PCNX2: variants seen among roughly 807,000 people sequenced by gnomAD.
PCNX2 encodes pecanex 2, also known as pecanex-like protein 2.
A neutral mutation model predicts 223.8 loss-of-function variants in PCNX2; 168 were observed. The ratio of observed to expected loss-of-function variants is 0.75; its 90% CI spans 0.66 to 0.85. The LOEUF (loss-of-function observed/expected upper bound fraction) is 0.85, where lower values mean the gene tolerates loss of function less well. PCNX2 is among the 40% of genes least tolerant of loss of function. PCNX2 has a pLI of 0.00. For missense variants in PCNX2, 2,507 were observed against 2,675.5 expected (o/e 0.94, Z 1.39); for synonymous variants, 1,006 against 1,052.6 (o/e 0.96, Z 0.86).
chr1:233,183,227 ATG>A (rs1382238591), intron 15 of PCNX2, among the ~76,000 whole-genome samples: 1 of 152,034 alleles, frequency 6.6e-6, no homozygotes, highest in Non-Finnish European at 1.5e-5. Flanking sequence ...AGCATCTCCT[ATG>A]TGTGCCCATC....
intron 25 of PCNX2, among the ~76,000 whole-genome samples, chr1:233,042,873 T>C (rs1393170365): frequency 1.3e-5 from 2 of 152,186 alleles, no homozygotes; most frequent in Non-Finnish European, 2.9e-5. Context: ...AAATAAACAC[T>C]ATGATACAAA....
At chr1:233,209,465 G>A (rs1255586244) in intron 12 of PCNX2, among the ~76,000 whole-genome samples, 1 of 151,948 alleles carries the variant, frequency 6.6e-6, no homozygotes, top group African/African-American at 2.4e-5. Context: ...TAAGATTCAG[G>A]GGGAAAAAAA....
At chr1:233,213,278 T>C (rs990645881) in intron 12 of PCNX2, among the ~76,000 whole-genome samples, 2 of 152,142 alleles carry the variant, frequency 1.3e-5, no homozygotes, top group African/African-American at 4.8e-5. Context: ...TGAGAAATGG[T>C]CACAGCCAAA....
intron 17 of PCNX2, among the ~76,000 whole-genome samples, chr1:233,175,133 G>A (rs1217488183): frequency 6.6e-6 from 1 of 151,824 alleles, no homozygotes; most frequent in African/African-American, 2.4e-5. Flanking sequence ...AAGAGCTGGA[G>A]ACACAGAGAA....
At chr1:233,198,528 C>T (rs940854558) in intron 15 of PCNX2, among the ~76,000 whole-genome samples, 4 of 152,202 alleles carry the variant, frequency 2.6e-5, no homozygotes, top group Admixed American at 6.5e-5. Flanking sequence ...TAGATTCTAA[C>T]ATTTTGTGGC....
At chr1:233,106,172 C>T (rs1222656090) in intron 21 of PCNX2, among the ~76,000 whole-genome samples, 6 of 152,132 alleles carry the variant, frequency 3.9e-5, no homozygotes, top group Non-Finnish European at 8.8e-5. Context: ...AGTTTATGCA[C>T]ACACTCTGTC....
rs1553299501 is a variant in PCNX2 at position 233,141,771 on chromosome 1, A to ATG, written c.3518-1917_3518-1916insCA. 4.4e-4 allele frequency among the ~76,000 whole-genome samples: 49 copies of ATG among 110,734 alleles called. 1 individual carries two copies. The highest frequency in any genetic ancestry group is 1.4e-3 in the African/African-American group (30 of 21,122). The allele number at this position is 110,734 out of a possible 152,430, so 72.6% of individuals were successfully genotyped here. ...TGGGTATATATGTGTGTGTATATGTATATGTGTGTGTGTGTGTGTGTGTGT... is the reference window on the plus strand; with the variant it reads ...TGGGTATATATGTGTGTGTATATGTATGTATGTGTGTGTGTGTGTGTGTGTGT... On this transcript the variant is annotated intron_variant, in intron 19 of 33. Coordinates refer to ENST00000258229, the MANE Select transcript of PCNX2 (RefSeq NM_014801.4).
chr1:233,028,103 C>G (rs375348580), intron 25 of PCNX2, among the ~76,000 whole-genome samples: 2 of 152,272 alleles, frequency 1.3e-5, no homozygotes, highest in African/African-American at 4.8e-5. Context: ...AGAATGAACA[C>G]TTATTATTTC....
intron 22 of PCNX2, among the ~76,000 whole-genome samples, chr1:233,093,252 T>C (rs1277066741): frequency 6.6e-6 from 1 of 152,254 alleles, no homozygotes; most frequent in Non-Finnish European, 1.5e-5. Flanking sequence ...GCATGGTCTC[T>C]ACACATATTA....
At chr1:233,279,304 G>A (rs530066649) in intron 1 of PCNX2, among the ~76,000 whole-genome samples, 8 of 151,858 alleles carry the variant, frequency 5.3e-5, no homozygotes, top group South Asian at 4.2e-4. Flanking sequence ...CTGCAGCCTC[G>A]ACCTCCCGGG....
At position 233,158,115 on chromosome 1, in the gene PCNX2, A is replaced by G. The variant is rs578032157; in HGVS notation, c.3517+2168T>C. On this transcript the variant is annotated intron_variant, in intron 19 of 33. Transcript: ENST00000258229. ...AGCCATGTAGGCTTGAAATAGCTAA[A>G]TGATTTTAATTTAAATGGGGCTGTC... 2.0e-4 allele frequency among the ~76,000 whole-genome samples: 30 copies of G among 152,308 alleles called. No individual in the cohort carries two copies. In the South Asian group the frequency reaches 6.0e-3, roughly 31 times the overall value.
At chr1:233,211,891 G>C in intron 12 of PCNX2, 1 of 844,742 alleles carries the variant, frequency 1.2e-6, no homozygotes, top group Non-Finnish European at 1.4e-6. Flanking sequence ...AGGACTCTGG[G>C]CAGAGAAAAG....
intron 21 of PCNX2, among the ~76,000 whole-genome samples, chr1:233,103,229 T>C (rs1220781220): frequency 1.3e-5 from 2 of 152,286 alleles, no homozygotes; most frequent in East Asian, 1.9e-4. Flanking sequence ...AATCACATCA[T>C]GGAAAATTGG....
intron 32 of PCNX2, among the ~76,000 whole-genome samples, chr1:232,986,989 C>T (rs1470855684): frequency 6.6e-6 from 1 of 152,196 alleles, no homozygotes; most frequent in Non-Finnish European, 1.5e-5. Context: ...ATCCGATCAG[C>T]AGTGATAAAG....
intron 17 of PCNX2, among the ~76,000 whole-genome samples, chr1:233,171,352 CT>C (rs1411235047): frequency 6.6e-6 from 1 of 151,440 alleles, no homozygotes; most frequent in African/African-American, 2.4e-5. Flanking sequence ...AGGTCACTTT[CT>C]ACTGAAAAAT....
chr1:233,179,038 T>A (rs1374808140), intron 16 of PCNX2, 28 bp downstream of exon 16: 1 of 1,591,744 alleles, frequency 6.3e-7, no homozygotes, highest in Admixed American at 1.7e-5. Context: ...AGCTCAGTGA[T>A]GAGAGAGCAC....
intron 8 of PCNX2, among the ~76,000 whole-genome samples, chr1:233,246,810 T>G (rs919248104): frequency 6.6e-6 from 1 of 152,300 alleles, no homozygotes; most frequent in Non-Finnish European, 1.5e-5. Flanking sequence ...GCACATGAAC[T>G]CACACGAGTG....
chr1:233,203,929 A>G (rs952473110), intron 13 of PCNX2, among the ~76,000 whole-genome samples: 2 of 152,232 alleles, frequency 1.3e-5, no homozygotes, highest in South Asian at 2.1e-4. Flanking sequence ...TACCCAACAC[A>G]GCATGAGAAG....
At chr1:233,036,130 C>T (rs1181148963) in intron 25 of PCNX2, among the ~76,000 whole-genome samples, 1 of 152,186 alleles carries the variant, frequency 6.6e-6, no homozygotes, top group African/African-American at 2.4e-5. Context: ...CCCTGCCCCA[C>T]AAACTTCTCC....
Sources: gnomAD v4.1 joint callset for allele counts (sites outside exome capture counted in the v4.1 genomes callset) on GRCh38, gnomAD v4.1.1 for gene constraint, MANE v1.5 for transcripts, NCBI Gene and HGNC (gene_info 2026-07-23, HGNC 2026-07-21) for gene names.